Variants in NIPBL observed in about 807,000 individuals in gnomAD.
The protein encoded by NIPBL is NIPBL cohesin loading factor.
A neutral mutation model predicts 321.8 loss-of-function variants in NIPBL; 19 were observed. The ratio of observed to expected loss-of-function variants is 0.06; its 90% confidence interval spans 0.04 to 0.09. The LOEUF is 0.09. Among genes scored for constraint, NIPBL ranks in the 10% least tolerant of loss-of-function variants. The probability of loss-of-function intolerance (pLI) is 1.00; values close to 1 mark genes in which losing one functional copy is unlikely to be tolerated. For synonymous variants in NIPBL, 1,106 were observed against 1,114.1 expected (o/e 0.99, Z 0.14); for missense variants, 2,210 against 3,327.0 (o/e 0.66, Z 8.26).
chr5:36,957,331 C>G (rs1741078756), intron 3 of NIPBL, among the ~76,000 whole-genome samples: 1 of 152,172 alleles, frequency 6.6e-6, no homozygotes, highest in South Asian at 2.1e-4. Context: ...TACATAACCT[C>G]TGGGTCTTGT....
rs1434480966 is a variant in NIPBL, at chr5:36,894,059, A to G, written c.-80+16881A>G. Reference sequence around the variant, plus strand: ...CTACTTAAAAATATAAACCATGCCTATGTGTTCACACTAAGTCCTCAGCAA... The same window carrying G: ...CTACTTAAAAATATAAACCATGCCTGTGTGTTCACACTAAGTCCTCAGCAA... On this transcript the variant is annotated intron_variant, in intron 1 of 46. Transcript: ENST00000282516. 2.6e-5 allele frequency among the ~76,000 whole-genome samples: 4 copies of G among 152,312 alleles called. No individual in the cohort carries two copies. In the East Asian group the frequency reaches 7.7e-4, roughly 29 times the overall value.
At chr5:36,920,831 T>A (rs1261420543) in intron 1 of NIPBL, among the ~76,000 whole-genome samples, 6 of 151,972 alleles carry the variant, frequency 3.9e-5, no homozygotes, top group Non-Finnish European at 7.4e-5. Context: ...CTTAATTTTT[T>A]TTTTTTTTCA....
intron 1 of NIPBL, among the ~76,000 whole-genome samples, chr5:36,917,481 T>G (rs1748560591): frequency 1.3e-5 from 2 of 152,136 alleles, no homozygotes; most frequent in Non-Finnish European, 2.9e-5. Flanking sequence ...GTGCAGAAGC[T>G]CTTTAATTAG....
intron 10 of NIPBL, among the ~76,000 whole-genome samples, chr5:36,994,519 T>C (rs1745911091): frequency 6.6e-6 from 1 of 152,174 alleles, no homozygotes; most frequent in Non-Finnish European, 1.5e-5. Flanking sequence ...AGCACTATTA[T>C]CATTTGCATG....
intron 1 of NIPBL, among the ~76,000 whole-genome samples, chr5:36,887,507 A>G (rs1328481652): frequency 1.3e-5 from 2 of 151,930 alleles, no homozygotes; most frequent in Admixed American, 1.3e-4. Context: ...TTATTCGACC[A>G]CCTCTCCCCC....
At chr5:36,887,410 C>T (rs1464749077) in intron 1 of NIPBL, among the ~76,000 whole-genome samples, 2 of 152,202 alleles carry the variant, frequency 1.3e-5, no homozygotes, top group Non-Finnish European at 2.9e-5. Flanking sequence ...GTCACAGCCT[C>T]TCTTCCAATG....
At position 36,995,605 on chromosome 5, in the gene NIPBL, T is replaced by G. The variant is rs752419504; in HGVS notation, c.3122-17T>G. 1.3e-6 allele frequency: 2 copies of G among 1,577,776 alleles called. No homozygotes were observed. Among genetic ancestry groups the G allele is most frequent in the Admixed American group, 3.4e-5 (2 of 58,770 alleles). On this transcript the variant is annotated splice_polypyrimidine_tract_variant and intron_variant, in intron 10 of 46. Coordinates refer to ENST00000282516, the MANE Select transcript of NIPBL (RefSeq NM_133433.4). ...TCAGATTTACATTTTTTTTTTAAAT[T>G]TACCTTTCATTAATAGGTAGTATAG...
At chr5:36,922,011 C>A (rs1237900972) in intron 1 of NIPBL, among the ~76,000 whole-genome samples, 7 of 151,646 alleles carry the variant, frequency 4.6e-5, no homozygotes, top group Non-Finnish European at 1.0e-4. Context: ...CCCAGCCTCC[C>A]GAGTAGCTGG....
Position 37,065,019 on chromosome 5 carries a change from A to C in NIPBL, c.*127A>C. Reference sequence around the variant, plus strand: ...AAGTGGAACCTGGGATGCAGGAACAAAAGAAGGAAATGTTGGGCAAACATT... The same window carrying C: ...AAGTGGAACCTGGGATGCAGGAACACAAGAAGGAAATGTTGGGCAAACATT... On this transcript the variant is annotated 3_prime_UTR_variant, in exon 47 of 47. Coordinates refer to ENST00000282516, the MANE Select transcript of NIPBL (RefSeq NM_133433.4). 6.2e-6 allele frequency: 7 copies of C among 1,133,858 alleles called. No individual in the cohort carries two copies. Among genetic ancestry groups the C allele is most frequent in the Non-Finnish European group, 9.0e-6 (7 of 779,870 alleles). 70.2% of individuals were successfully genotyped at this position (1,133,858 alleles called of 1,614,324 possible). A position where few individuals can be genotyped will look rare whatever the true frequency, so the allele number is the denominator to read the frequency against.
At chr5:36,930,250 CAG>C (rs1308102101) in intron 1 of NIPBL, among the ~76,000 whole-genome samples, 2 of 152,096 alleles carry the variant, frequency 1.3e-5, no homozygotes, top group Non-Finnish European at 2.9e-5. Flanking sequence ...TGTCTTATAA[CAG>C]TGTGCAAATA....
chr5:36,918,003 G>A (rs1464739658), intron 1 of NIPBL, among the ~76,000 whole-genome samples: 6 of 152,146 alleles, frequency 3.9e-5, no homozygotes, highest in African/African-American at 1.4e-4. Flanking sequence ...TCTTGGCAAT[G>A]TGGGCTCTTT....
chr5:36,880,857 G>T (rs1409576088), intron 1 of NIPBL, among the ~76,000 whole-genome samples: 1 of 151,976 alleles, frequency 6.6e-6, no homozygotes, highest in African/African-American at 2.4e-5. Flanking sequence ...CCAGCTTTCC[G>T]TTTAATGATG....
intron 15 of NIPBL, 116 bp downstream of exon 15, chr5:37,002,881 A>G (rs1482519040): frequency 1.5e-6 from 1 of 676,504 alleles, no homozygotes; most frequent in East Asian, 2.8e-5. Flanking sequence ...AAGAAAACTC[A>G]TTGTTGACTT....
At chr5:36,929,787 A>G (rs939967980) in intron 1 of NIPBL, among the ~76,000 whole-genome samples, 1 of 151,934 alleles carries the variant, frequency 6.6e-6, no homozygotes, top group Non-Finnish European at 1.5e-5. Context: ...TTTTAAATTT[A>G]TTTTTGCATG....
intron 1 of NIPBL, 73 bp downstream of exon 1, chr5:36,877,251 C>T (rs1376222787): frequency 5.8e-6 from 1 of 171,586 alleles, no homozygotes; most frequent in African/African-American, 2.4e-5. Context: ...CTCTCCTCCT[C>T]GCTCCCCTCC....
chr5:36,961,151 G>A (rs1221954249), intron 4 of NIPBL, among the ~76,000 whole-genome samples: 2 of 152,150 alleles, frequency 1.3e-5, no homozygotes, highest in African/African-American at 4.8e-5. Flanking sequence ...AGAAGGAAGT[G>A]TATTGTGTTA....
At chr5:37,024,341 T>G (rs1428897766) in intron 29 of NIPBL, among the ~76,000 whole-genome samples, 1 of 152,160 alleles carries the variant, frequency 6.6e-6, no homozygotes, top group Middle Eastern at 3.2e-3. Flanking sequence ...ATACTTCTAG[T>G]CTTGTGTCCA....
intron 38 of NIPBL, among the ~76,000 whole-genome samples, chr5:37,047,209 A>G (rs1009603048): frequency 5.3e-5 from 8 of 152,174 alleles, no homozygotes; most frequent in Admixed American, 4.6e-4. Flanking sequence ...TCTGGAGCCA[A>G]TCCCCCATGG....
intron 1 of NIPBL, chr5:36,885,644 G>A (rs1745838897): frequency 1.8e-6 from 1 of 546,758 alleles, no homozygotes. Flanking sequence ...TGTGGACAAT[G>A]CCTGCATTGT....
Sources: allele counts gnomAD v4.1 joint callset (sites outside exome capture counted in the v4.1 genomes callset), GRCh38; gene constraint gnomAD v4.1.1; transcripts MANE v1.5; gene names NCBI Gene and HGNC (gene_info 2026-07-23, HGNC 2026-07-21).